KIT: variants seen among roughly 807,000 people sequenced by gnomAD.
The protein encoded by KIT is KIT proto-oncogene, receptor tyrosine kinase.
In KIT, 16 loss-of-function variants were observed where a neutral mutation model predicts 105.7. That is an observed-to-expected ratio of 0.15 (90% CI 0.10 to 0.23). KIT has a LOEUF of 0.23. Ranked by LOEUF, KIT falls within the 10% of genes least tolerant of loss-of-function variation. KIT has a pLI of 1.00. For synonymous variants in KIT, 438 were observed against 441.1 expected (o/e 0.99, Z 0.09); for missense variants, 858 against 1,213.8 (o/e 0.71, Z 4.36).
At position 54,733,141 on chromosome 4, in the gene KIT, T is replaced by C; in HGVS notation, c.2433T>C (p.Phe811=). 1 of 1,612,786 alleles carries C rather than the reference T, an allele frequency of 6.2e-7. No homozygotes were observed. Among genetic ancestry groups the C allele is most frequent in the African/African-American group, 1.3e-5 (1 of 74,988 alleles). The change falls in exon 17 of 21, where the codon TTT becomes TTC. Residue 811 remains phenylalanine (F), a synonymous_variant. Coordinates refer to ENST00000288135, the MANE Select transcript of KIT (RefSeq NM_000222.3). ...GTCGGATCACAAAGATTTGTGATTT[T>C]GGTCTAGCCAGAGACATCAAGAATG... ...THGRITKICD[F]GLARDIKNDS... is the part of the protein sequence containing the mutation.
intron 1 of KIT, among the ~76,000 whole-genome samples, chr4:54,689,982 C>G (rs548747018): frequency 2.5e-4 from 38 of 151,444 alleles, no homozygotes; most frequent in African/African-American, 9.0e-4. Context: ...GCCTTTCTGT[C>G]TGGCACATTT....
At position 54,738,411 on chromosome 4, in the gene KIT, T is replaced by C. The variant is rs1298606690; in HGVS notation, c.2803-18T>C. 2 of 1,614,066 alleles carry C rather than the reference T, an allele frequency of 1.2e-6. No homozygotes were observed. The highest frequency in any genetic ancestry group is 1.7e-6 in the Non-Finnish European group (2 of 1,179,936). ...GTTGTAGGGACTGCTGTATTGACTATGGGCTTGTTTTCTCCAGATTTACTC... is the reference window on the plus strand; with the variant it reads ...GTTGTAGGGACTGCTGTATTGACTACGGGCTTGTTTTCTCCAGATTTACTC... On this transcript the variant is annotated intron_variant, in intron 20 of 20. Coordinates refer to ENST00000288135, the MANE Select transcript of KIT (RefSeq NM_000222.3).
intron 1 of KIT, among the ~76,000 whole-genome samples, chr4:54,682,018 TATAAG>T (rs1244415988): frequency 6.6e-6 from 1 of 151,782 alleles, no homozygotes; most frequent in Admixed American, 6.6e-5. Context: ...ATATTTATAT[TATAAG>T]AGAATCACTG....
chr4:54,659,029 G>T (rs1471007593), intron 1 of KIT, among the ~76,000 whole-genome samples: 1 of 152,096 alleles, frequency 6.6e-6, no homozygotes, highest in Non-Finnish European at 1.5e-5. Context: ...TGCCTGGCGG[G>T]TTCTGAAAGC....
At chr4:54,711,928 CAAA>C (rs549683976) in intron 7 of KIT, among the ~76,000 whole-genome samples, 8 of 73,864 alleles carry the variant, frequency 1.1e-4, no homozygotes, top group Admixed American at 1.4e-4. Context: ...GAGTCCGTCT[CAAA>C]AAAAAAAAAA....
Position 54,731,351 on chromosome 4 carries a change from T to C in KIT, c.2165T>C (p.Met722Thr). The part of the protein sequence containing the change: ...SSCSDSTNEY[M>T]DMKPGVSYVV... ...AGCAGCGATAGTACTAATGAGTACA[T>C]GGACATGAAACCTGGAGTTTCTTAT... The change falls in exon 15 of 21, where the codon ATG becomes ACG. Residue 722 changes from methionine (M) to threonine (T), a missense_variant. This residue lies in a region of KIT where 158 missense variants were observed against 218.7 expected (regional missense o/e 0.72). Coordinates refer to ENST00000288135, the MANE Select transcript of KIT (RefSeq NM_000222.3). 1 of 1,613,388 alleles carries C rather than the reference T, an allele frequency of 6.2e-7. No individual in the cohort carries two copies. Among genetic ancestry groups the C allele is most frequent in the Non-Finnish European group, 8.5e-7 (1 of 1,179,414 alleles).
At chr4:54,723,530 T>A (rs1722018333) in intron 7 of KIT, 54 bp from the exon 8 acceptor site, 1 of 1,159,912 alleles carries the variant, frequency 8.6e-7, no homozygotes, top group Non-Finnish European at 1.3e-6. Context: ...GTGAAGTGAA[T>A]GTTGCTGAGG....
At chr4:54,728,846 G>T (rs533357773) in intron 13 of KIT, among the ~76,000 whole-genome samples, 2 of 152,250 alleles carry the variant, frequency 1.3e-5, no homozygotes, top group South Asian at 4.1e-4. Context: ...AACTAGTAGC[G>T]CTCAGAACAC....
chr4:54,658,957 C>T (rs1418877758), intron 1 of KIT, among the ~76,000 whole-genome samples: 1 of 152,204 alleles, frequency 6.6e-6, no homozygotes, highest in Admixed American at 6.5e-5. Context: ...CAAGGGACAG[C>T]GTGCTGGGAC....
rs1480063457 is a variant in KIT at position 54,738,600 on chromosome 4, CT to C, written c.*47del. On this transcript the variant is annotated 3_prime_UTR_variant, in exon 21 of 21. Transcript: ENST00000288135. Reference sequence around the variant, plus strand: ...GTCACCCCTCCAGGAATGATCTCTTCTTTTGGCTTCCATGATGGTTATTTTC... The same window carrying C: ...GTCACCCCTCCAGGAATGATCTCTTCTTTGGCTTCCATGATGGTTATTTTC... 4 of 1,610,308 alleles carry C rather than the reference CT, an allele frequency of 2.5e-6. No individual in the cohort carries two copies. In the Admixed American group the frequency reaches 5.0e-5, roughly 20 times the overall value.
intron 17 of KIT, among the ~76,000 whole-genome samples, chr4:54,735,321 G>A (rs1722859916): frequency 7.1e-6 from 1 of 141,192 alleles, no homozygotes; most frequent in African/African-American, 2.6e-5. Context: ...GATATTGGAA[G>A]TTTTTTGTTT....
intron 1 of KIT, among the ~76,000 whole-genome samples, chr4:54,673,847 T>A (rs1039920306): frequency 1.7e-4 from 26 of 152,062 alleles, no homozygotes; most frequent in Non-Finnish European, 1.6e-4. Context: ...TGAGACAGAG[T>A]CTTGCTCTGC....
Position 54,695,636 on chromosome 4 carries a change from C to G in KIT, c.192C>G (p.Val64=), listed in dbSNP as rs2109661508. The G allele has an allele frequency of 6.2e-7, 1 of 1,614,180 alleles. No individual in the cohort carries two copies. The highest frequency in any genetic ancestry group is 8.5e-7 in the Non-Finnish European group (1 of 1,180,036). The change falls in exon 2 of 21, where the codon GTC becomes GTG. Residue 64 remains valine (V), a synonymous_variant. Transcript: ENST00000288135. The part of the protein sequence containing the change: ...IRLLCTDPGF[V]KWTFEILDET... ...TGTTATGCACTGATCCGGGCTTTGT[C>G]AAATGGACTTTTGAGATCCTGGATG...
At chr4:54,683,936 G>T (rs1267170517) in intron 1 of KIT, among the ~76,000 whole-genome samples, 1 of 152,222 alleles carries the variant, frequency 6.6e-6, no homozygotes. Flanking sequence ...AGAGAATGAA[G>T]TCTGTCTGAT....
At chr4:54,662,824 C>T (rs969263760) in intron 1 of KIT, among the ~76,000 whole-genome samples, 3 of 152,132 alleles carry the variant, frequency 2.0e-5, no homozygotes, top group Non-Finnish European at 4.4e-5. Flanking sequence ...CTACCTGCCT[C>T]GGCCTCCCAA....
At chr4:54,672,880 G>A (rs949725207) in intron 1 of KIT, among the ~76,000 whole-genome samples, 11 of 152,184 alleles carry the variant, frequency 7.2e-5, no homozygotes, top group African/African-American at 1.9e-4. Context: ...CCACAACGGC[G>A]AGTGTGTAGT....
chr4:54,720,398 G>T (rs139588512), intron 7 of KIT, among the ~76,000 whole-genome samples: 5 of 152,142 alleles, frequency 3.3e-5, no homozygotes, highest in Admixed American at 2.6e-4. Flanking sequence ...AGACCACACC[G>T]TTGCCAGCCA....
intron 1 of KIT, among the ~76,000 whole-genome samples, chr4:54,693,572 T>A (rs1018481007): frequency 6.6e-6 from 1 of 152,214 alleles, no homozygotes; most frequent in East Asian, 1.9e-4. Context: ...AGGTTGTACC[T>A]GTGAGCAAAT....
intron 1 of KIT, among the ~76,000 whole-genome samples, chr4:54,676,117 T>TG (rs1479102244): frequency 6.6e-6 from 1 of 152,194 alleles, no homozygotes; most frequent in African/African-American, 2.4e-5. Flanking sequence ...ATACAGATCC[T>TG]GGTAAAATTG....
Sources: gnomAD v4.1 joint callset for allele counts (sites outside exome capture counted in the v4.1 genomes callset) on GRCh38, gnomAD v4.1.1 for gene constraint, gnomAD v4.1.1 regional missense constraint, MANE v1.5 for transcripts, NCBI Gene and HGNC (gene_info 2026-07-23, HGNC 2026-07-21) for gene names.